ANO3: variants seen among roughly 807,000 people sequenced by gnomAD.
ANO3 encodes the protein anoctamin 3, also known as anoctamin-3.
ANO3 carries 99 observed loss-of-function variants against 144.8 expected under a neutral mutation model. The ratio of observed to expected loss-of-function variants is 0.68; its 90% CI spans 0.58 to 0.81. The LOEUF (loss-of-function observed/expected upper bound fraction) is 0.81, where lower values mean the gene tolerates loss of function less well. Ranked by LOEUF, ANO3 falls within the 30% of genes least tolerant of loss-of-function variation. The probability of loss-of-function intolerance (pLI) is 0.00; values close to 1 mark genes in which losing one functional copy is unlikely to be tolerated. For synonymous variants in ANO3, 414 were observed against 392.6 expected (o/e 1.05, Z -0.64); for missense variants, 905 against 1,202.2 (o/e 0.75, Z 3.66).
At chr11:26,568,884 G>T (rs759935412) in intron 14 of ANO3, among the ~76,000 whole-genome samples, 4 of 151,888 alleles carry the variant, frequency 2.6e-5, no homozygotes, top group Non-Finnish European at 5.9e-5. Context: ...ATTATCTACG[G>T]CATGTGATCT....
intron 1 of ANO3, among the ~76,000 whole-genome samples, chr11:26,216,038 C>T (rs557117571): frequency 6.6e-6 from 1 of 151,960 alleles, no homozygotes; most frequent in South Asian, 2.1e-4. Flanking sequence ...TCCAAATTTG[C>T]TTAGGTCAGC....
chr11:26,404,542 C>A (rs537209271), intron 1 of ANO3, among the ~76,000 whole-genome samples: 1 of 151,642 alleles, frequency 6.6e-6, no homozygotes, highest in African/African-American at 2.4e-5. Flanking sequence ...ATGCATGCAA[C>A]GTTCCCGAAA....
At chr11:26,651,766 G>T (rs950482121) in intron 24 of ANO3, among the ~76,000 whole-genome samples, 9 of 152,026 alleles carry the variant, frequency 5.9e-5, no homozygotes, top group African/African-American at 2.2e-4. Context: ...AATGCAAAGG[G>T]GTTCTGAGGG....
chr11:26,258,756 C>T (rs1853116332), intron 1 of ANO3, among the ~76,000 whole-genome samples: 1 of 152,138 alleles, frequency 6.6e-6, no homozygotes, highest in South Asian at 2.1e-4. Flanking sequence ...ACAGTTTAGT[C>T]TATAACCAAT....
chr11:26,658,037 T>C (rs1853750042), intron 26 of ANO3, among the ~76,000 whole-genome samples: 1 of 152,132 alleles, frequency 6.6e-6, no homozygotes, highest in South Asian at 2.1e-4. Flanking sequence ...CAAAAAAATC[T>C]CTGCCCAGGT....
At chr11:26,499,443 A>T (rs1259010698) in intron 4 of ANO3, among the ~76,000 whole-genome samples, 1 of 151,614 alleles carries the variant, frequency 6.6e-6, no homozygotes, top group Non-Finnish European at 1.5e-5. Flanking sequence ...TTCTCACTTA[A>T]ATCTTTAATC....
intron 1 of ANO3, among the ~76,000 whole-genome samples, chr11:26,436,498 G>T (rs1858300709): frequency 6.6e-6 from 1 of 152,166 alleles, no homozygotes; most frequent in African/African-American, 2.4e-5. Context: ...AGTGAAGCCT[G>T]CAAAACAGTA....
chr11:26,400,685 A>G (rs1446449759), intron 1 of ANO3, among the ~76,000 whole-genome samples: 1 of 151,756 alleles, frequency 6.6e-6, no homozygotes, highest in East Asian at 1.9e-4. Context: ...AAGTGAACAA[A>G]ACTTGCACAT....
intron 1 of ANO3, among the ~76,000 whole-genome samples, chr11:26,374,491 A>G (rs1388428322): frequency 6.6e-6 from 1 of 152,190 alleles, no homozygotes; most frequent in Non-Finnish European, 1.5e-5. Flanking sequence ...CAGAACTTGG[A>G]CATTAGGAGG....
intron 14 of ANO3, among the ~76,000 whole-genome samples, chr11:26,566,562 A>T (rs293978): frequency 0.74 from 112,817 of 151,632 alleles, 42,214 homozygotes; most frequent in Admixed American, 0.8. Context: ...ACTTAATCCC[A>T]AACTGGGGAG....
At chr11:26,432,152 T>C (rs1049404931) in intron 1 of ANO3, among the ~76,000 whole-genome samples, 2 of 152,184 alleles carry the variant, frequency 1.3e-5, no homozygotes, top group African/African-American at 4.8e-5. Context: ...ATTACTCTAA[T>C]GATCAGTGGT....
At chr11:26,550,305 C>T (rs1215277078) in intron 12 of ANO3, among the ~76,000 whole-genome samples, 1 of 151,708 alleles carries the variant, frequency 6.6e-6, no homozygotes, top group African/African-American at 2.4e-5. Context: ...CATCTACCCC[C>T]TTAATAAATT....
At chr11:26,447,679 T>C (rs1156775591) in intron 3 of ANO3, among the ~76,000 whole-genome samples, 2 of 152,126 alleles carry the variant, frequency 1.3e-5, no homozygotes, top group East Asian at 3.9e-4. Flanking sequence ...TTTTTTTTTG[T>C]TTTCTTCTTC....
intron 1 of ANO3, among the ~76,000 whole-genome samples, chr11:26,402,746 A>T (rs1235089688): frequency 6.6e-6 from 1 of 151,946 alleles, no homozygotes; most frequent in Non-Finnish European, 1.5e-5. Context: ...ATCAAGACAA[A>T]TAACTAATGG....
intron 1 of ANO3, among the ~76,000 whole-genome samples, chr11:26,388,755 A>C (rs1295898945): frequency 1.3e-5 from 2 of 152,170 alleles, no homozygotes; most frequent in Non-Finnish European, 2.9e-5. Flanking sequence ...TTGATGGCTC[A>C]GTGTCCCCTC....
At chr11:26,201,416 C>A (rs1851689877) in intron 1 of ANO3, among the ~76,000 whole-genome samples, 1 of 151,938 alleles carries the variant, frequency 6.6e-6, no homozygotes, top group Non-Finnish European at 1.5e-5. Context: ...TCTTCTAAAC[C>A]AGTTTCTTCA....
chr11:26,283,355 T>TACACAC lies in ANO3; in HGVS notation c.155-26289_155-26288insCACACA, dbSNP rs1564947804. 3.0e-4 allele frequency among the ~76,000 whole-genome samples: 39 copies of TACACAC among 129,830 alleles called. 1 individual carries two copies. Among genetic ancestry groups the TACACAC allele is most frequent in the African/African-American group, 1.1e-3 (39 of 35,322 alleles). 85.2% of individuals were successfully genotyped at this position (129,830 alleles called of 152,430 possible). A position where few individuals can be genotyped will look rare whatever the true frequency, so the allele number is the denominator to read the frequency against. ...ATATATATATATATATATATATATA[T>TACACAC]ATATATATATAGCGAGCATTTTTTC... is the stretch of plus-strand genomic sequence containing the variant. On this transcript the variant is annotated intron_variant, in intron 1 of 27. Transcript: ENST00000672621.
chr11:26,215,332 A>T lies in ANO3; in HGVS notation c.154+26002A>T, dbSNP rs541674598. 9.2e-5 allele frequency among the ~76,000 whole-genome samples: 14 copies of T among 152,050 alleles called. No individual in the cohort carries two copies. The East Asian group carries it at 2.7e-3, about 29-fold the overall frequency. ...TATGGCCACAAAGTATACTTATTTTATACTTTGGGTTTTAATACAATACTG... is the reference window on the plus strand; with the variant it reads ...TATGGCCACAAAGTATACTTATTTTTTACTTTGGGTTTTAATACAATACTG... On this transcript the variant is annotated intron_variant, in intron 1 of 27. Coordinates refer to the ANO3 transcript ENST00000672621.
At chr11:26,441,386 G>A (rs1208598407) in intron 1 of ANO3, among the ~76,000 whole-genome samples, 2 of 150,988 alleles carry the variant, frequency 1.3e-5, no homozygotes, top group African/African-American at 4.9e-5. Flanking sequence ...CAAAGTGCTG[G>A]GATTACAGGC....
Sources: gnomAD v4.1 joint callset for allele counts (sites outside exome capture counted in the v4.1 genomes callset) on GRCh38, gnomAD v4.1.1 for gene constraint, MANE v1.5 for transcripts, NCBI Gene and HGNC (gene_info 2026-07-23, HGNC 2026-07-21) for gene names.